STXBP5L: variants seen among roughly 807,000 people sequenced by gnomAD.
The protein encoded by STXBP5L is syntaxin binding protein 5L, also known as syntaxin-binding protein 5-like.
STXBP5L carries 65 observed loss-of-function variants against 144.5 expected under a neutral mutation model. The ratio of observed to expected loss-of-function variants is 0.45; its 90% CI spans 0.37 to 0.55. STXBP5L has a LOEUF of 0.55. STXBP5L is among the 20% of genes least tolerant of loss of function. The probability of loss-of-function intolerance (pLI) is 0.00; values close to 1 mark genes in which losing one functional copy is unlikely to be tolerated. For missense variants in STXBP5L, 1,298 were observed against 1,405.5 expected, an observed-to-expected ratio of 0.92 and a Z score of 1.22; for synonymous variants, 505 against 469.6, an observed-to-expected ratio of 1.08 and a Z score of -0.97.
intron 10 of STXBP5L, among the ~76,000 whole-genome samples, chr3:121,215,660 G>T (rs2048750247): frequency 1.3e-5 from 2 of 152,142 alleles, no homozygotes; most frequent in African/African-American, 4.8e-5. Context: ...CAACTTTAGT[G>T]AATCTGACGA....
intron 3 of STXBP5L, among the ~76,000 whole-genome samples, chr3:120,975,844 A>G (rs998938096): frequency 2.6e-5 from 4 of 152,086 alleles, no homozygotes; most frequent in African/African-American, 7.2e-5. Context: ...GCTGGATTAC[A>G]TTTATTGATT....
At chr3:120,922,370 G>A (rs1709399101) in intron 2 of STXBP5L, among the ~76,000 whole-genome samples, 1 of 151,904 alleles carries the variant, frequency 6.6e-6, no homozygotes, top group African/African-American at 2.4e-5. Context: ...TTTTGGTGGA[G>A]TTTTTAGGTT....
chr3:121,289,799 C>A (rs2051361923), intron 19 of STXBP5L, among the ~76,000 whole-genome samples: 1 of 152,042 alleles, frequency 6.6e-6, no homozygotes, highest in Non-Finnish European at 1.5e-5. Flanking sequence ...ATAATCTGCC[C>A]CTGAATGATA....
intron 9 of STXBP5L, among the ~76,000 whole-genome samples, chr3:121,196,801 T>G (rs2047936554): frequency 6.6e-6 from 1 of 151,794 alleles, no homozygotes; most frequent in African/African-American, 2.4e-5. Context: ...TTTCAAGTAG[T>G]TGGGACTACA....
intron 7 of STXBP5L, among the ~76,000 whole-genome samples, chr3:121,143,627 A>T (rs939498355): frequency 6.6e-6 from 1 of 151,934 alleles, no homozygotes; most frequent in Non-Finnish European, 1.5e-5. Flanking sequence ...AATGGAACAG[A>T]ATAGAGAGCC....
intron 2 of STXBP5L, among the ~76,000 whole-genome samples, chr3:120,912,336 T>A (rs148586350): frequency 4.6e-5 from 7 of 152,118 alleles, no homozygotes; most frequent in African/African-American, 1.7e-4. Flanking sequence ...AAAATGAAAG[T>A]CTTATTTGAA....
intron 3 of STXBP5L, among the ~76,000 whole-genome samples, chr3:120,969,361 A>G (rs1363740604): frequency 1.4e-5 from 2 of 144,466 alleles, no homozygotes; most frequent in African/African-American, 5.1e-5. Context: ...TTATCTATTC[A>G]TGTCCTTTGC....
intron 8 of STXBP5L, among the ~76,000 whole-genome samples, chr3:121,153,797 C>T (rs1040230640): frequency 6.6e-6 from 1 of 151,808 alleles, no homozygotes; most frequent in Non-Finnish European, 1.5e-5. Context: ...TAAGTAATAT[C>T]ATGCAGTTAT....
chr3:121,091,660 A>G (rs558737425), intron 5 of STXBP5L, among the ~76,000 whole-genome samples: 9 of 152,240 alleles, frequency 5.9e-5, no homozygotes, highest in Admixed American at 1.3e-4. Flanking sequence ...AGTTCATCAT[A>G]GATTCTGGAT....
intron 20 of STXBP5L, among the ~76,000 whole-genome samples, chr3:121,332,251 G>A (rs73183148): frequency 0.036 from 5,394 of 151,720 alleles, 147 homozygotes; most frequent in Middle Eastern, 0.082. Flanking sequence ...TCCAAACCAA[G>A]ATGAAATCTT....
chr3:121,032,318 A>G (rs2107512013), intron 3 of STXBP5L, among the ~76,000 whole-genome samples: 1 of 152,202 alleles, frequency 6.6e-6, no homozygotes, highest in East Asian at 1.9e-4. Flanking sequence ...TGTATCATGA[A>G]GAAAGGTTTG....
chr3:121,094,926 A>G lies in STXBP5L; in HGVS notation c.471-19999A>G, dbSNP rs537814608. 4.6e-5 allele frequency among the ~76,000 whole-genome samples: 7 copies of G among 151,754 alleles called. No homozygotes were observed. The South Asian group carries it at 1.5e-3, about 32-fold the overall frequency. On this transcript the variant is annotated intron_variant, in intron 5 of 26. Coordinates refer to ENST00000471454, the MANE Select transcript of STXBP5L (RefSeq NM_001308330.2). The stretch of plus-strand genomic sequence containing the variant: ...CGGCTGGTACTGGTTGTTCCTCTCC[A>G]TGTTTAGTGCTTCCTTCAGGAGCTC...
chr3:121,164,820 G>GA (rs1246284031), intron 9 of STXBP5L, among the ~76,000 whole-genome samples: 1 of 152,144 alleles, frequency 6.6e-6, no homozygotes, highest in Non-Finnish European at 1.5e-5. Context: ...TCTCACATGT[G>GA]AAATTTTTTT....
intron 2 of STXBP5L, among the ~76,000 whole-genome samples, chr3:120,946,447 A>G (rs1710860475): frequency 6.6e-6 from 1 of 151,750 alleles, no homozygotes; most frequent in East Asian, 1.9e-4. Flanking sequence ...AGAATATATT[A>G]TATATAATTT....
intron 5 of STXBP5L, among the ~76,000 whole-genome samples, chr3:121,107,534 G>C (rs1218072522): frequency 2.0e-5 from 3 of 152,072 alleles, no homozygotes; most frequent in Non-Finnish European, 4.4e-5. Context: ...GTAGATGTGT[G>C]GTCTTATTTC....
chr3:121,111,858 T>C (rs556938369), intron 5 of STXBP5L, among the ~76,000 whole-genome samples: 3 of 152,144 alleles, frequency 2.0e-5, no homozygotes, highest in South Asian at 2.1e-4. Flanking sequence ...AGAGAGACCA[T>C]GGCTGCCCCT....
chr3:121,094,703 T>A (rs775377112), intron 5 of STXBP5L, among the ~76,000 whole-genome samples: 139 of 152,320 alleles, frequency 9.1e-4, no homozygotes, highest in Non-Finnish European at 1.7e-3. Flanking sequence ...TACAACACAC[T>A]GATGGGTCTT....
intron 20 of STXBP5L, among the ~76,000 whole-genome samples, chr3:121,372,245 T>C (rs1160524775): frequency 6.6e-6 from 1 of 152,082 alleles, no homozygotes. Flanking sequence ...GCCAGAAGAC[T>C]GAGGGGTGCT....
chr3:121,053,358 T>C (rs1283120506), intron 5 of STXBP5L, among the ~76,000 whole-genome samples: 1 of 152,154 alleles, frequency 6.6e-6, no homozygotes, highest in African/African-American at 2.4e-5. Flanking sequence ...AAGGCTACAG[T>C]AACCAAAACA....
Sources: gnomAD v4.1 joint callset for allele counts (sites outside exome capture counted in the v4.1 genomes callset) on GRCh38, gnomAD v4.1.1 for gene constraint, MANE v1.5 for transcripts, NCBI Gene and HGNC (gene_info 2026-07-23, HGNC 2026-07-21) for gene names.